Variants in CNTN1 observed in about 807,000 individuals in gnomAD.
CNTN1 encodes the protein contactin 1.
CNTN1 carries 38 observed loss-of-function variants against 126.4 expected under a neutral mutation model. The ratio of observed to expected loss-of-function variants is 0.30; its 90% CI spans 0.23 to 0.39. The LOEUF (loss-of-function observed/expected upper bound fraction) is 0.39, where lower values mean the gene tolerates loss of function less well. Ranked by LOEUF, CNTN1 falls within the 10% of genes least tolerant of loss-of-function variation. The pLI is 1.00. For synonymous variants in CNTN1, 413 were observed against 422.6 expected (o/e 0.98, Z 0.28); for missense variants, 1,009 against 1,248.4 (o/e 0.81, Z 2.89).
At chr12:40,849,380 TAAAC>T (rs1301711937) in intron 1 of CNTN1, among the ~76,000 whole-genome samples, 3 of 152,052 alleles carry the variant, frequency 2.0e-5, no homozygotes, top group African/African-American at 4.8e-5. Flanking sequence ...AAGTAAAACA[TAAAC>T]AAATGTAATA....
Position 40,710,532 on chromosome 12 carries a change from C to T in CNTN1, c.-77+17940C>T, listed in dbSNP as rs534478851. Among the ~76,000 whole-genome samples the T allele has an allele frequency of 2.0e-5, 3 of 152,204 alleles. No homozygotes were observed. In the South Asian group the frequency reaches 6.2e-4, roughly 32 times the overall value. ...ATGATGCCAGTAGACTTACTTGACA[C>T]ACGGTTGCCACAAAACTTCAATTTG... is the stretch of plus-strand genomic sequence containing the variant. On this transcript the variant is annotated intron_variant, in intron 1 of 23. Transcript: ENST00000551295.
intron 1 of CNTN1, among the ~76,000 whole-genome samples, chr12:40,741,642 T>C (rs1156381497): frequency 2.0e-5 from 3 of 152,094 alleles, no homozygotes; most frequent in Non-Finnish European, 4.4e-5. Flanking sequence ...CATTAGGCAT[T>C]AATTCTATTT....
At chr12:40,851,945 C>T (rs75605861) in intron 1 of CNTN1, among the ~76,000 whole-genome samples, 193 of 152,230 alleles carry the variant, frequency 1.3e-3, no homozygotes, top group African/African-American at 3.9e-3. Context: ...AAGTTTTGGG[C>T]CCTCTGAGGT....
chr12:40,938,425 C>G (rs1946155050), intron 11 of CNTN1, among the ~76,000 whole-genome samples: 2 of 152,156 alleles, frequency 1.3e-5, no homozygotes, highest in Non-Finnish European at 2.9e-5. Context: ...TGTTTGCATA[C>G]AGATGATGCT....
rs756967148 is a variant in CNTN1, at chr12:41,029,092, T to C, written c.2853T>C (p.Asp951=). The change falls in exon 23 of 24, where the codon GAT becomes GAC. Residue 951 remains aspartate (D), a synonymous_variant. Transcript: ENST00000551295. ...TCTACAGACCTGATGGCCAGCATGA[T>C]GGCAAGCTGTATTCAACTCACAAAC... ...KVLYRPDGQH[D]GKLYSTHKHS... The C allele has an allele frequency of 2.2e-5, 36 of 1,613,970 alleles. No homozygotes were observed. The highest frequency in any genetic ancestry group is 2.8e-5 in the Non-Finnish European group (33 of 1,179,976).
intron 1 of CNTN1, among the ~76,000 whole-genome samples, chr12:40,761,309 C>T (rs1032149872): frequency 1.3e-5 from 2 of 152,038 alleles, no homozygotes; most frequent in African/African-American, 2.4e-5. Context: ...TTAATTTTCT[C>T]ATAAAATAGT....
At chr12:40,787,466 A>C (rs927982523) in intron 1 of CNTN1, among the ~76,000 whole-genome samples, 1 of 152,124 alleles carries the variant, frequency 6.6e-6, no homozygotes, top group African/African-American at 2.4e-5. Context: ...TAATTGAATT[A>C]TTTTGGATTT....
chr12:41,015,374 T>C (rs935302242), intron 18 of CNTN1, among the ~76,000 whole-genome samples: 2 of 152,164 alleles, frequency 1.3e-5, no homozygotes, highest in East Asian at 1.9e-4. Context: ...AAATTCAGTA[T>C]TGGAAATTCT....
intron 19 of CNTN1, among the ~76,000 whole-genome samples, chr12:41,017,306 G>A (rs1002335824): frequency 3.4e-5 from 5 of 148,878 alleles, no homozygotes; most frequent in South Asian, 2.1e-4. Flanking sequence ...GCGTGGTGGC[G>A]CATGCCTGTA....
chr12:40,747,313 G>GTGTGTGTGTGTA (rs1159101676), intron 1 of CNTN1, among the ~76,000 whole-genome samples: 1 of 151,606 alleles, frequency 6.6e-6, no homozygotes, highest in East Asian at 1.9e-4. Flanking sequence ...GGATGTGTGT[G>GTGTGTGTGTGTA]TGTGTGTGTG....
At chr12:40,867,343 C>T (rs1245907620) in intron 1 of CNTN1, among the ~76,000 whole-genome samples, 3 of 152,100 alleles carry the variant, frequency 2.0e-5, no homozygotes, top group African/African-American at 7.2e-5. Context: ...AAATGGAAGG[C>T]TGGATGACAC....
chr12:40,702,786 G>A (rs757263580), intron 1 of CNTN1, among the ~76,000 whole-genome samples: 1 of 152,074 alleles, frequency 6.6e-6, no homozygotes, highest in Non-Finnish European at 1.5e-5. Context: ...TTTTATCTTG[G>A]ACAACTTTTT....
At chr12:40,995,734 T>C (rs550892386) in intron 17 of CNTN1, among the ~76,000 whole-genome samples, 38 of 152,294 alleles carry the variant, frequency 2.5e-4, no homozygotes, top group African/African-American at 8.9e-4. Flanking sequence ...GATGATTCAT[T>C]CTTCTCAATT....
intron 1 of CNTN1, among the ~76,000 whole-genome samples, chr12:40,907,826 G>C (rs1298280811): frequency 6.6e-6 from 1 of 152,114 alleles, no homozygotes; most frequent in Non-Finnish European, 1.5e-5. Flanking sequence ...AAATTAGCAT[G>C]TCTGGCAAAA....
chr12:40,917,153 C>T (rs7958050), intron 3 of CNTN1, among the ~76,000 whole-genome samples: 136,226 of 151,742 alleles, frequency 0.9, 61,246 homozygotes, highest in African/African-American at 0.94. Flanking sequence ...ACAGTGCTAA[C>T]AGCACCAGAG....
chr12:40,994,566 G>A (rs925347970), intron 17 of CNTN1, among the ~76,000 whole-genome samples: 9 of 152,058 alleles, frequency 5.9e-5, no homozygotes, highest in East Asian at 3.9e-4. Context: ...AACAGTGTTC[G>A]GTCCATAATA....
chr12:40,742,515 T>G (rs1012456507), intron 1 of CNTN1: 2 of 151,894 alleles, frequency 1.3e-5, no homozygotes, highest in Middle Eastern at 3.2e-3. Context: ...TTCATCTTTC[T>G]TCTTTAAGTG....
At chr12:41,032,278 G>C (rs904819456) in intron 23 of CNTN1, among the ~76,000 whole-genome samples, 1 of 150,438 alleles carries the variant, frequency 6.6e-6, no homozygotes, top group African/African-American at 2.5e-5. Context: ...GGCTCACAGG[G>C]AATGGTGTGA....
intron 1 of CNTN1, among the ~76,000 whole-genome samples, chr12:40,799,689 C>T (rs1940572059): frequency 6.6e-6 from 1 of 151,946 alleles, no homozygotes; most frequent in African/African-American, 2.4e-5. Flanking sequence ...GTGTACAATA[C>T]AGAAGCATAA....
Sources: gnomAD v4.1 joint callset for allele counts (sites outside exome capture counted in the v4.1 genomes callset) on GRCh38, gnomAD v4.1.1 for gene constraint, MANE v1.5 for transcripts, NCBI Gene and HGNC (gene_info 2026-07-23, HGNC 2026-07-21) for gene names.